LRFN5: variants seen among roughly 807,000 people sequenced by gnomAD.
The protein encoded by LRFN5 is leucine-rich repeat and fibronectin type-III domain-containing protein 5.
In LRFN5, 24 loss-of-function variants were observed where a neutral mutation model predicts 45.6. The observed-to-expected ratio is 0.53, with a 90% CI of 0.38 to 0.74. LRFN5 has a LOEUF of 0.74. LRFN5 is among the 30% of genes least tolerant of loss of function. The pLI is 0.00. For missense variants in LRFN5, 776 were observed against 861.5 expected (o/e 0.90, Z 1.24); for synonymous variants, 340 against 313.8 (o/e 1.08, Z -0.88).
intron 1 of LRFN5, among the ~76,000 whole-genome samples, chr14:41,761,970 T>C (rs1276449330): frequency 1.2e-4 from 18 of 152,062 alleles, no homozygotes; most frequent in Admixed American, 1.0e-3. Flanking sequence ...ATTATAATAA[T>C]ACATTTTGGT....
In LRFN5 at chr14:41,687,608, C is replaced by T. The variant is rs188528910; in HGVS notation, c.-197+79046C>T. On this transcript the variant is annotated intron_variant, in intron 1 of 5. Transcript: ENST00000298119. ...AACTCAAATGTCCATCAATGATAGA[C>T]TGGGTAAAGAACATGTGCTACATAT... is the stretch of plus-strand genomic sequence containing the variant. 9.2e-5 allele frequency among the ~76,000 whole-genome samples: 14 copies of T among 152,238 alleles called. No individual in the cohort carries two copies. The South Asian group carries it at 1.7e-3, about 18-fold the overall frequency.
At chr14:41,639,535 A>G (rs1293024892) in intron 1 of LRFN5, among the ~76,000 whole-genome samples, 1 of 152,098 alleles carries the variant, frequency 6.6e-6, no homozygotes, top group Non-Finnish European at 1.5e-5. Flanking sequence ...TTGTTCATTT[A>G]TGAAATAGTT....
chr14:41,673,581 C>G (rs1336281459), intron 1 of LRFN5, among the ~76,000 whole-genome samples: 23 of 148,680 alleles, frequency 1.5e-4, no homozygotes, highest in Non-Finnish European at 2.2e-4. Flanking sequence ...GGTGACCCCC[C>G]CCACCTCACT....
At chr14:41,668,843 T>A (rs1047818346) in intron 1 of LRFN5, among the ~76,000 whole-genome samples, 14 of 152,184 alleles carry the variant, frequency 9.2e-5, no homozygotes, top group Non-Finnish European at 1.6e-4. Context: ...GAGCTTATCT[T>A]CATTCAGTAC....
chr14:41,662,577 A>G (rs188020943), intron 1 of LRFN5, among the ~76,000 whole-genome samples: 68 of 152,192 alleles, frequency 4.5e-4, no homozygotes, highest in African/African-American at 1.4e-3. Context: ...AATTAAAAAA[A>G]TATGGCTGGG....
intron 1 of LRFN5, among the ~76,000 whole-genome samples, chr14:41,674,285 G>A (rs571619139): frequency 7.6e-6 from 1 of 131,508 alleles, no homozygotes; most frequent in South Asian, 2.6e-4. Flanking sequence ...GCCGGGCAGA[G>A]GCGTCCCTCA....
At chr14:41,695,287 T>A (rs11623805) in intron 1 of LRFN5, among the ~76,000 whole-genome samples, 1 of 151,704 alleles carries the variant, frequency 6.6e-6, no homozygotes, top group Non-Finnish European at 1.5e-5. Context: ...AGAAGGTGTC[T>A]CCATAACATA....
At chr14:41,715,012 G>C (rs1271772257) in intron 1 of LRFN5, among the ~76,000 whole-genome samples, 1 of 152,058 alleles carries the variant, frequency 6.6e-6, no homozygotes, top group Non-Finnish European at 1.5e-5. Context: ...AATGTTAAAG[G>C]GTTTTATAAA....
At position 41,608,078 on chromosome 14, in the gene LRFN5, G is replaced by C. The variant is rs546228982; in HGVS notation, c.-681G>C. 1 of 152,312 alleles carries C rather than the reference G, an allele frequency of 6.6e-6. No individual in the cohort carries two copies. Among genetic ancestry groups the C allele is most frequent in the Admixed American group, 6.5e-5 (1 of 15,306 alleles). 9.4% of individuals were successfully genotyped at this position (152,312 alleles called of 1,614,324 possible). A position where few individuals can be genotyped will look rare whatever the true frequency, so the allele number is the denominator to read the frequency against. On this transcript the variant is annotated 5_prime_UTR_variant, in exon 1 of 6. Coordinates refer to ENST00000298119, the MANE Select transcript of LRFN5 (RefSeq NM_152447.5). ...GGTTGGAGGAGAACTTGAAGGAAAC[G>C]TGATTAAAGGGCTATGCGAGAACGC...
At chr14:41,825,737 C>G (rs1888270811) in intron 2 of LRFN5, among the ~76,000 whole-genome samples, 1 of 152,140 alleles carries the variant, frequency 6.6e-6, no homozygotes, top group Admixed American at 6.5e-5. Context: ...GCCACCTCAG[C>G]CTTGGTTTGG....
intron 2 of LRFN5, among the ~76,000 whole-genome samples, chr14:41,837,310 C>T (rs948910844): frequency 5.3e-5 from 8 of 150,830 alleles, no homozygotes; most frequent in South Asian, 2.1e-4. Context: ...AAAGACAAAT[C>T]GGCATTTGTT....
intron 1 of LRFN5, among the ~76,000 whole-genome samples, chr14:41,638,609 T>C (rs1388764401): frequency 6.6e-6 from 1 of 152,162 alleles, no homozygotes; most frequent in Non-Finnish European, 1.5e-5. Context: ...TAGTATTGTA[T>C]ATTGATTCTG....
At chr14:41,803,548 C>T (rs1373016718) in intron 2 of LRFN5, among the ~76,000 whole-genome samples, 4 of 151,642 alleles carry the variant, frequency 2.6e-5, no homozygotes, top group Non-Finnish European at 5.9e-5. Flanking sequence ...TGAGGTGGGT[C>T]CTCACTTTGT....
chr14:41,784,661 C>T (rs577284304), intron 2 of LRFN5, among the ~76,000 whole-genome samples: 63 of 152,018 alleles, frequency 4.1e-4, no homozygotes, highest in African/African-American at 1.5e-3. Context: ...CAGAGTCTCG[C>T]TCTGTCACCC....
chr14:41,661,821 A>C (rs573942833), intron 1 of LRFN5, among the ~76,000 whole-genome samples: 2 of 152,082 alleles, frequency 1.3e-5, no homozygotes, highest in Non-Finnish European at 2.9e-5. Context: ...GTGGGAAAAA[A>C]TAGAACAACA....
At chr14:41,768,139 C>T (rs1443985814) in intron 2 of LRFN5, among the ~76,000 whole-genome samples, 1 of 151,996 alleles carries the variant, frequency 6.6e-6, no homozygotes, top group Non-Finnish European at 1.5e-5. Context: ...TATTTTGCGA[C>T]ATATTACATG....
intron 2 of LRFN5, among the ~76,000 whole-genome samples, chr14:41,839,261 A>G (rs7153349): frequency 0.13 from 20,121 of 152,104 alleles, 1,423 homozygotes; most frequent in East Asian, 0.22. Context: ...TTTACTGAAT[A>G]CTTCAGCAGA....
intron 1 of LRFN5, among the ~76,000 whole-genome samples, chr14:41,637,776 A>G (rs551079436): frequency 6.6e-6 from 1 of 152,276 alleles, no homozygotes; most frequent in South Asian, 2.1e-4. Flanking sequence ...ATTTTTGTTA[A>G]GCACCAGGGA....
chr14:41,696,717 C>T (rs1445555557), intron 1 of LRFN5, among the ~76,000 whole-genome samples: 2 of 151,904 alleles, frequency 1.3e-5, no homozygotes, highest in African/African-American at 2.4e-5. Flanking sequence ...TTTCCTGCCT[C>T]CTTGCCAACA....
Sources: allele counts gnomAD v4.1 joint callset (sites outside exome capture counted in the v4.1 genomes callset), GRCh38; gene constraint gnomAD v4.1.1; transcripts MANE v1.5; gene names NCBI Gene and HGNC (gene_info 2026-07-23, HGNC 2026-07-21).